TENT2: variants seen among roughly 807,000 people sequenced by gnomAD.
The protein encoded by TENT2 is terminal nucleotidyltransferase 2, also known as poly(A) RNA polymerase GLD2.
Under a neutral mutation model 72.2 loss-of-function variants are expected in TENT2, and 44 were observed. The ratio of observed to expected loss-of-function variants is 0.61; its 90% CI spans 0.48 to 0.78. TENT2 has a LOEUF of 0.78. Among genes scored for constraint, TENT2 ranks in the 30% least tolerant of loss-of-function variants. The pLI is 0.00. For missense variants in TENT2, 541 were observed against 569.6 expected (o/e 0.95, Z 0.51); for synonymous variants, 212 against 192.5 (o/e 1.10, Z -0.84).
At chr5:79,666,874 G>C (rs969135970) in intron 11 of TENT2, among the ~76,000 whole-genome samples, 1 of 152,166 alleles carries the variant, frequency 6.6e-6, no homozygotes, top group African/African-American at 2.4e-5. Flanking sequence ...GCCTGGCTTA[G>C]GGGATTTCTT....
chr5:79,616,889 A>T (rs113420244), intron 1 of TENT2, among the ~76,000 whole-genome samples: 1,746 of 152,300 alleles, frequency 0.011, 30 homozygotes, highest in African/African-American at 0.04. Context: ...ACAATCTGTT[A>T]TGAACCCTGG....
At chr5:79,671,791 T>C (rs561395333) in intron 12 of TENT2, among the ~76,000 whole-genome samples, 13 of 152,246 alleles carry the variant, frequency 8.5e-5, no homozygotes, top group African/African-American at 2.9e-4. Context: ...TGCAGAAGTT[T>C]TATATGGTCA....
intron 14 of TENT2, among the ~76,000 whole-genome samples, chr5:79,683,354 T>C (rs376505181): frequency 5.4e-5 from 8 of 149,204 alleles, no homozygotes; most frequent in African/African-American, 9.9e-5. Context: ...CCACCTCACC[T>C]CACCCCACCC....
At chr5:79,649,480 A>G (rs1334767775) in intron 10 of TENT2, among the ~76,000 whole-genome samples, 1 of 151,610 alleles carries the variant, frequency 6.6e-6, no homozygotes, top group East Asian at 1.9e-4. Flanking sequence ...CTTGAAGCAG[A>G]CGAATGTTCA....
intron 7 of TENT2, among the ~76,000 whole-genome samples, chr5:79,644,479 T>C (rs529107394): frequency 6.6e-6 from 1 of 152,292 alleles, no homozygotes; most frequent in Non-Finnish European, 1.5e-5. Context: ...TCAACTCTAA[T>C]TTTTTAGTTT....
chr5:79,618,777 G>A (rs1357819347), intron 1 of TENT2, among the ~76,000 whole-genome samples: 1 of 152,098 alleles, frequency 6.6e-6, no homozygotes, highest in Admixed American at 6.6e-5. Flanking sequence ...TGATTAGTTA[G>A]CTACCTTGAC....
chr5:79,654,614 A>T (rs991554848), intron 10 of TENT2, among the ~76,000 whole-genome samples: 4 of 151,862 alleles, frequency 2.6e-5, no homozygotes, highest in Admixed American at 6.6e-5. Flanking sequence ...AATACAAAAA[A>T]CTAGCTGGAT....
At position 79,679,662 on chromosome 5, in the gene TENT2, G is replaced by C; in HGVS notation, c.1292G>C (p.Cys431Ser). 1.3e-6 allele frequency: 2 copies of C among 1,555,420 alleles called. No individual in the cohort carries two copies. The highest frequency in any genetic ancestry group is 1.7e-6 in the Non-Finnish European group (2 of 1,148,434). Residue 431 changes from cysteine (C) to serine (S), a missense_variant, in exon 13 of 15, where the codon TGT (cysteine) becomes TCT (serine). Coordinates refer to ENST00000453514, the MANE Select transcript of TENT2 (RefSeq NM_001114394.3). ...ATTGAATGGAGAAATAAATACATCTGTGTAGAAGGTAGTTTTCTGTTTACC... is the reference window on the plus strand; with the variant it reads ...ATTGAATGGAGAAATAAATACATCTCTGTAGAAGGTAGTTTTCTGTTTACC... ...DGIEWRNKYI[C>S]VEEPFDGTNT...
At chr5:79,633,496 A>C (rs1252556188) in intron 4 of TENT2, among the ~76,000 whole-genome samples, 2 of 133,780 alleles carry the variant, frequency 1.5e-5, no homozygotes, top group Non-Finnish European at 1.5e-5. Context: ...GCTGGAGTGC[A>C]ATGGCTTGAT....
rs569789169 is a variant in TENT2, at chr5:79,644,017, C to T, written c.752-1106C>T. Among the ~76,000 whole-genome samples, 3 of 149,752 alleles carry T rather than the reference C, an allele frequency of 2.0e-5. No individual in the cohort carries two copies. In the South Asian group the frequency reaches 6.3e-4, roughly 31 times the overall value. On this transcript the variant is annotated intron_variant, in intron 7 of 14. Transcript: ENST00000453514. ...TTTTTTTTTGAGACAGAGTCTCGCT[C>T]TATCACGAGGCTGGAGTGCAGTAGC...
At chr5:79,647,599 G>T (rs890173091) in intron 8 of TENT2, among the ~76,000 whole-genome samples, 3 of 151,970 alleles carry the variant, frequency 2.0e-5, no homozygotes, top group Non-Finnish European at 2.9e-5. Flanking sequence ...ATTTTCTTTT[G>T]TTCCACCAAA....
At position 79,656,986 on chromosome 5, in the gene TENT2, C is replaced by G. The variant is rs749512048; in HGVS notation, c.1056C>G (p.Leu352=). The change falls in exon 11 of 15, where the codon CTC becomes CTG. Residue 352 remains leucine (L), a synonymous_variant. Transcript: ENST00000453514. The part of the protein sequence containing the change: ...QTLPEPILPS[L]QKIYPESFSP... ...TACCTGAACCCATCCTTCCATCCCT[C>G]CAAAAAATTTACCCAGTAAGTGTTT... is the stretch of plus-strand genomic sequence containing the variant. 11 of 1,602,686 alleles carry G rather than the reference C, an allele frequency of 6.9e-6. No individual in the cohort carries two copies. The highest frequency in any genetic ancestry group is 1.3e-5 in the African/African-American group (1 of 74,710).
chr5:79,682,728 G>A (rs887426341), intron 14 of TENT2, among the ~76,000 whole-genome samples: 2 of 152,108 alleles, frequency 1.3e-5, no homozygotes, highest in Admixed American at 1.3e-4. Context: ...TTTTTCTAAT[G>A]TATACCCCAC....
chr5:79,663,787 GA>G (rs892930945), intron 11 of TENT2, among the ~76,000 whole-genome samples: 56 of 152,138 alleles, frequency 3.7e-4, no homozygotes, highest in African/African-American at 1.4e-3. Context: ...CACGCTGCTG[GA>G]AAAATGGCAC....
intron 4 of TENT2, among the ~76,000 whole-genome samples, chr5:79,633,310 A>G (rs1777083298): frequency 2.0e-5 from 3 of 151,936 alleles, no homozygotes; most frequent in Non-Finnish European, 4.4e-5. Flanking sequence ...TTTCTGGACC[A>G]TAGTTTAATT....
chr5:79,677,368 C>T (rs1818069186), intron 12 of TENT2, among the ~76,000 whole-genome samples: 1 of 152,034 alleles, frequency 6.6e-6, no homozygotes, highest in Non-Finnish European at 1.5e-5. Context: ...CATACTGTTT[C>T]TGTGACCCAG....
At position 79,688,011 on chromosome 5, in the gene TENT2, T is replaced by C. The variant is rs1435409126; in HGVS notation, c.*2738T>C. Among the ~76,000 whole-genome samples the C allele has an allele frequency of 1.3e-5, 2 of 152,186 alleles. No individual in the cohort carries two copies. Among genetic ancestry groups the C allele is most frequent in the African/African-American group, 4.8e-5 (2 of 41,452 alleles). ...GTGTTAAGAGAATAAATATTGCTGA[T>C]GCTAAACCTGGTTTAGTGAGCTGTG... On this transcript the variant is annotated 3_prime_UTR_variant, in exon 15 of 15. Transcript: ENST00000453514.
intron 12 of TENT2, among the ~76,000 whole-genome samples, chr5:79,673,657 G>T (rs995252305): frequency 2.6e-5 from 4 of 152,062 alleles, no homozygotes; most frequent in Non-Finnish European, 5.9e-5. Context: ...CTATGTGTCT[G>T]TTTTTATGCC....
intron 3 of TENT2, 101 bp from the exon 4 acceptor site, chr5:79,623,151 A>G (rs1042411905): frequency 2.5e-6 from 2 of 790,064 alleles, no homozygotes; most frequent in African/African-American, 3.5e-5. Flanking sequence ...AAAGAATCAT[A>G]TTGTCATTAT....
Sources: allele counts gnomAD v4.1 joint callset (sites outside exome capture counted in the v4.1 genomes callset), GRCh38; gene constraint gnomAD v4.1.1; transcripts MANE v1.5; gene names NCBI Gene and HGNC (gene_info 2026-07-23, HGNC 2026-07-21).